Variants in CFAP299 observed in about 807,000 individuals in gnomAD.
CFAP299 encodes the protein cilia and flagella associated protein 299, also known as cilia- and flagella-associated protein 299.
CFAP299 carries 21 observed loss-of-function variants against 27.0 expected under a neutral mutation model. The observed-to-expected ratio is 0.78, with a 90% confidence interval of 0.55 to 1.12. The LOEUF is 1.12. Among genes scored for constraint, CFAP299 ranks in the 50% most tolerant of loss-of-function variants. The probability of loss-of-function intolerance (pLI) is 0.00; values close to 1 mark genes in which losing one functional copy is unlikely to be tolerated. For missense variants in CFAP299, 310 were observed against 276.6 expected, an observed-to-expected ratio of 1.12 and a Z score of -0.86; for synonymous variants, 104 against 98.1, an observed-to-expected ratio of 1.06 and a Z score of -0.36.
intron 5 of CFAP299, among the ~76,000 whole-genome samples, chr4:80,947,565 AG>A (rs1737539076): frequency 6.6e-6 from 1 of 152,076 alleles, no homozygotes. Flanking sequence ...TTAAAGTACC[AG>A]GCCCAGTTTT....
At chr4:80,612,594 GAGA>G (rs1413824307) in intron 3 of CFAP299, among the ~76,000 whole-genome samples, 3 of 151,996 alleles carry the variant, frequency 2.0e-5, no homozygotes, top group African/African-American at 7.2e-5. Context: ...AAAATGATTT[GAGA>G]AGGTGAATTG....
At chr4:80,920,638 A>T (rs1735997405) in intron 4 of CFAP299, among the ~76,000 whole-genome samples, 1 of 152,086 alleles carries the variant, frequency 6.6e-6, no homozygotes. Flanking sequence ...ATAATATATT[A>T]ATGTCTCAAC....
At chr4:80,857,283 A>G (rs1369513872) in intron 3 of CFAP299, among the ~76,000 whole-genome samples, 1 of 152,246 alleles carries the variant, frequency 6.6e-6, no homozygotes, top group Non-Finnish European at 1.5e-5. Flanking sequence ...GAAGTTGCTT[A>G]TCAGCTTAAG....
At chr4:80,385,837 G>A (rs538785597) in intron 2 of CFAP299, among the ~76,000 whole-genome samples, 14 of 152,370 alleles carry the variant, frequency 9.2e-5, no homozygotes, top group Admixed American at 8.5e-4. Context: ...AGGCAGAGTG[G>A]GCGGAACTGC....
At chr4:80,613,218 C>G (rs189852666) in intron 3 of CFAP299, among the ~76,000 whole-genome samples, 1 of 152,004 alleles carries the variant, frequency 6.6e-6, no homozygotes, top group Non-Finnish European at 1.5e-5. Context: ...TAAATATTTT[C>G]TAGTATATTT....
At chr4:80,598,224 G>T (rs1383052789) in intron 3 of CFAP299, among the ~76,000 whole-genome samples, 5 of 152,156 alleles carry the variant, frequency 3.3e-5, no homozygotes, top group Non-Finnish European at 5.9e-5. Context: ...ACACTCCAAC[G>T]TATCATCCCC....
chr4:80,717,676 C>G (rs953179871), intron 3 of CFAP299, among the ~76,000 whole-genome samples: 11 of 152,006 alleles, frequency 7.2e-5, no homozygotes, highest in Non-Finnish European at 1.3e-4. Flanking sequence ...TATCCAATAC[C>G]TGCTATGTGT....
At chr4:80,647,783 A>G (rs530937866) in intron 3 of CFAP299, among the ~76,000 whole-genome samples, 12 of 152,298 alleles carry the variant, frequency 7.9e-5, no homozygotes, top group Non-Finnish European at 1.2e-4. Flanking sequence ...GCAAAAAGAA[A>G]TGTTTCTAGG....
At position 80,918,698 on chromosome 4, in the gene CFAP299, C is replaced by G. The variant is rs16998382; in HGVS notation, c.477-26112C>G. Among the ~76,000 whole-genome samples, 549 of 152,200 alleles carry G rather than the reference C, an allele frequency of 3.6e-3. 2 individuals are homozygous for G. The highest frequency in any genetic ancestry group is 0.012 in the African/African-American group (516 of 41,552). On this transcript the variant is annotated intron_variant, in intron 4 of 5. Coordinates refer to ENST00000358105, the MANE Select transcript of CFAP299 (RefSeq NM_152770.3). ...TGCCGATCATATCTCTTCCCCAACTCTAATGGTGAGAGGGAGACTTTGCTG... is the reference window on the plus strand; with the variant it reads ...TGCCGATCATATCTCTTCCCCAACTGTAATGGTGAGAGGGAGACTTTGCTG...
chr4:80,718,362 A>G (rs1277332872), intron 3 of CFAP299, among the ~76,000 whole-genome samples: 1 of 152,084 alleles, frequency 6.6e-6, no homozygotes, highest in African/African-American at 2.4e-5. Flanking sequence ...TGAATTGAAG[A>G]AACTACAGAA....
intron 3 of CFAP299, among the ~76,000 whole-genome samples, chr4:80,799,653 ATATATTATAT>A (rs1728190089): frequency 5.5e-5 from 1 of 18,144 alleles, no homozygotes; most frequent in African/African-American, 2.5e-4. Context: ...TATATATTTT[ATATATTATAT>A]TTTATAAATA....
At chr4:80,480,270 A>ATTT (rs150131232) in intron 2 of CFAP299, among the ~76,000 whole-genome samples, 13 of 151,806 alleles carry the variant, frequency 8.6e-5, no homozygotes, top group African/African-American at 3.1e-4. Context: ...GCATAATAAA[A>ATTT]TTTTTTTTAA....
At chr4:80,943,654 G>A (rs1001742052) in intron 4 of CFAP299, among the ~76,000 whole-genome samples, 12 of 152,002 alleles carry the variant, frequency 7.9e-5, no homozygotes, top group African/African-American at 2.9e-4. Context: ...TATAAGATAT[G>A]TAAAAATAAG....
chr4:80,745,749 C>G (rs1457271829), intron 3 of CFAP299, among the ~76,000 whole-genome samples: 1 of 151,908 alleles, frequency 6.6e-6, no homozygotes, highest in Non-Finnish European at 1.5e-5. Context: ...TTTTTCTCTT[C>G]CCGGATCCCA....
chr4:80,817,014 A>G (rs1729453642), intron 3 of CFAP299, among the ~76,000 whole-genome samples: 1 of 152,102 alleles, frequency 6.6e-6, no homozygotes, highest in African/African-American at 2.4e-5. Flanking sequence ...GGTCAGAGCC[A>G]CTCTCTGCTA....
chr4:80,845,278 TG>T (rs1305360701), intron 3 of CFAP299, among the ~76,000 whole-genome samples: 1 of 131,286 alleles, frequency 7.6e-6, no homozygotes, highest in Non-Finnish European at 1.6e-5. Context: ...AGTCCCACAC[TG>T]TTTTTTTTTT....
At chr4:80,652,831 C>T (rs571512367) in intron 3 of CFAP299, among the ~76,000 whole-genome samples, 5 of 152,170 alleles carry the variant, frequency 3.3e-5, no homozygotes, top group Admixed American at 2.0e-4. Context: ...TTCTCCCCAG[C>T]GTCATACAAA....
chr4:80,697,647 T>C (rs1721193080), intron 3 of CFAP299, among the ~76,000 whole-genome samples: 1 of 152,208 alleles, frequency 6.6e-6, no homozygotes, highest in African/African-American at 2.4e-5. Flanking sequence ...CATGGCCATC[T>C]CTTAGTTCTT....
chr4:80,832,504 GAGCAGCTGGTTTCAAAAAA>G (rs1219544509), intron 3 of CFAP299, among the ~76,000 whole-genome samples: 1 of 152,002 alleles, frequency 6.6e-6, no homozygotes, highest in African/African-American at 2.4e-5. Flanking sequence ...ATAAAGACTG[GAGCAGCTGGTTTCAAAAAA>G]AGCTTATATA....
Sources: allele counts gnomAD v4.1 joint callset (sites outside exome capture counted in the v4.1 genomes callset), GRCh38; gene constraint gnomAD v4.1.1; transcripts MANE v1.5; gene names NCBI Gene and HGNC (gene_info 2026-07-23, HGNC 2026-07-21).